Variants in PLAC1 observed in about 807,000 individuals in gnomAD.
The protein encoded by PLAC1 is placenta-specific protein 1.
For missense variants in PLAC1, 136 were observed against 163.2 expected, an observed-to-expected ratio of 0.83 and a Z score of 0.91; for synonymous variants, 68 against 62.1, an observed-to-expected ratio of 1.09 and a Z score of -0.44.
intron 1 of PLAC1, among the ~76,000 whole-genome samples, chrX:134,757,281 T>A (rs1157405911): frequency 1.8e-5 from 2 of 113,225 alleles, no homozygotes; most frequent in Non-Finnish European, 3.7e-5. Flanking sequence ...GTGATCCAAC[T>A]TGGCAATAGG....
chrX:134,592,538 C>A (rs1290283070), intron 2 of PLAC1, among the ~76,000 whole-genome samples: 1 of 110,798 alleles, frequency 9.0e-6, no homozygotes, highest in African/African-American at 3.3e-5. Context: ...AGACTGACCT[C>A]CCCTGAGGAA....
chrX:134,743,131 C>T (rs947115282), intron 1 of PLAC1, among the ~76,000 whole-genome samples: 1 of 111,168 alleles, frequency 9.0e-6, no homozygotes, highest in African/African-American at 3.3e-5. Context: ...AAGAAAAGTC[C>T]CACCTAGAAG....
chrX:134,715,098 T>C (rs890834654), intron 2 of PLAC1, among the ~76,000 whole-genome samples: 1 of 112,194 alleles, frequency 8.9e-6, no homozygotes, highest in African/African-American at 3.2e-5. Flanking sequence ...GCACACTTTA[T>C]GGCATTTAAT....
chrX:134,616,130 C>G (rs903744617), intron 1 of PLAC1, among the ~76,000 whole-genome samples: 2 of 110,548 alleles, frequency 1.8e-5, no homozygotes, highest in Non-Finnish European at 3.8e-5. Flanking sequence ...CAGGCATGCA[C>G]CACCATGCCC....
intron 1 of PLAC1, among the ~76,000 whole-genome samples, chrX:134,607,887 C>T (rs1181366377): frequency 9.0e-6 from 1 of 110,670 alleles, no homozygotes; most frequent in Non-Finnish European, 1.9e-5. Context: ...GATGCGGACC[C>T]CAAGCTCCAG....
chrX:134,592,122 A>G (rs1478867769), intron 2 of PLAC1, among the ~76,000 whole-genome samples: 1 of 112,268 alleles, frequency 8.9e-6, no homozygotes, highest in Non-Finnish European at 1.9e-5. Flanking sequence ...TTCACAGAGC[A>G]AATGTTTTAT....
chrX:134,623,675 C>T (rs1436220321), intron 1 of PLAC1, among the ~76,000 whole-genome samples: 1 of 111,271 alleles, frequency 9.0e-6, no homozygotes, highest in Non-Finnish European at 1.9e-5. Context: ...AGGACTGAGG[C>T]TAGTACTGAT....
In PLAC1 at chrX:134,622,707, C is replaced by T. The variant is rs192835304; in HGVS notation, c.-130-20585G>A. Among the ~76,000 whole-genome samples the T allele has an allele frequency of 3.6e-5, 4 of 111,868 alleles. No homozygotes were observed. In the Admixed American group the frequency reaches 3.8e-4, roughly 11 times the overall value. The stretch of plus-strand genomic sequence containing the variant: ...GCTGTGTTGGCCTAAGATTTAAATC[C>T]TGGTCCTGCTAATAATTTGCTATAT... On this transcript the variant is annotated intron_variant, in intron 1 of 2. Coordinates refer to ENST00000359237, the MANE Select transcript of PLAC1 (RefSeq NM_021796.4).
At chrX:134,742,971 A>G (rs1273989675) in intron 1 of PLAC1, among the ~76,000 whole-genome samples, 1 of 112,468 alleles carries the variant, frequency 8.9e-6, no homozygotes, top group Non-Finnish European at 1.9e-5. Context: ...GAAAGACAAG[A>G]AAATAAAAAT....
At chrX:134,722,925 TGTTTGAGTCCAGGA>T (rs1191997893) in intron 2 of PLAC1, among the ~76,000 whole-genome samples, 1 of 109,490 alleles carries the variant, frequency 9.1e-6, no homozygotes. Flanking sequence ...GCAGGAGGAC[TGTTTGAGTCCAGGA>T]GTTTGAGTCC....
intron 1 of PLAC1, among the ~76,000 whole-genome samples, chrX:134,757,204 A>G (rs2078759445): frequency 8.8e-6 from 1 of 113,038 alleles, no homozygotes; most frequent in Non-Finnish European, 1.9e-5. Context: ...TATTAATTGA[A>G]TATTAATTAC....
At chrX:134,639,987 C>T (rs957713574) in intron 1 of PLAC1, among the ~76,000 whole-genome samples, 9 of 111,680 alleles carry the variant, frequency 8.1e-5, no homozygotes, top group Non-Finnish European at 1.5e-4. Flanking sequence ...GTGATGGATG[C>T]TTGGGTTGTT....
At chrX:134,667,344 C>A (rs184781768) in intron 2 of PLAC1, among the ~76,000 whole-genome samples, 5 of 111,857 alleles carry the variant, frequency 4.5e-5, no homozygotes, top group Middle Eastern at 9.3e-3. Flanking sequence ...AGACAAATAA[C>A]CCAATTAAAA....
At chrX:134,679,998 G>A (rs1219895624) in intron 2 of PLAC1, among the ~76,000 whole-genome samples, 1 of 111,841 alleles carries the variant, frequency 8.9e-6, no homozygotes, top group Admixed American at 9.5e-5. Flanking sequence ...CCACTGAGCA[G>A]AGTTTTCAGG....
At chrX:134,620,085 G>A (rs1478074839) in intron 1 of PLAC1, among the ~76,000 whole-genome samples, 3 of 112,209 alleles carry the variant, frequency 2.7e-5, no homozygotes, top group Non-Finnish European at 3.8e-5. Flanking sequence ...ATGAGTCAAA[G>A]GTTCTAAGAC....
intron 2 of PLAC1, among the ~76,000 whole-genome samples, chrX:134,724,860 TG>T (rs2078669236): frequency 9.0e-6 from 1 of 110,914 alleles, no homozygotes; most frequent in Non-Finnish European, 1.9e-5. Flanking sequence ...AAAAATTAGC[TG>T]GGCATGGTGG....
At chrX:134,631,453 C>G (rs972336850) in intron 1 of PLAC1, among the ~76,000 whole-genome samples, 15 of 112,164 alleles carry the variant, frequency 1.3e-4, no homozygotes. Context: ...AAAGGTCACT[C>G]TCCACACTTC....
At chrX:134,744,512 C>T (rs1001588297) in intron 1 of PLAC1, among the ~76,000 whole-genome samples, 1 of 111,493 alleles carries the variant, frequency 9.0e-6, no homozygotes, top group Non-Finnish European at 1.9e-5. Context: ...ATCATAATAC[C>T]TGTCCCCGCT....
intron 1 of PLAC1, among the ~76,000 whole-genome samples, chrX:134,640,690 G>A (rs1427248126): frequency 8.9e-6 from 1 of 112,129 alleles, no homozygotes; most frequent in Non-Finnish European, 1.9e-5. Flanking sequence ...TGTGGACACT[G>A]TGTCCCACAC....
Sources: allele counts gnomAD v4.1 joint callset (sites outside exome capture counted in the v4.1 genomes callset), GRCh38; gene constraint gnomAD v4.1.1; transcripts MANE v1.5; gene names NCBI Gene and HGNC (gene_info 2026-07-23, HGNC 2026-07-21).